Variants in DNAJC2 observed in about 807,000 individuals in gnomAD.
DNAJC2 encodes the protein DnaJ heat shock protein family (Hsp40) member C2.
A neutral mutation model predicts 94.0 loss-of-function variants in DNAJC2; 32 were observed. The ratio of observed to expected loss-of-function variants is 0.34; its 90% confidence interval spans 0.26 to 0.46. The LOEUF (loss-of-function observed/expected upper bound fraction) is 0.46. Among genes scored for constraint, DNAJC2 ranks in the 20% least tolerant of loss-of-function variants. DNAJC2 has a pLI of 1.00. For synonymous variants in DNAJC2, 210 were observed against 229.7 expected (o/e 0.91, Z 0.77); for missense variants, 550 against 719.5 (o/e 0.76, Z 2.69).
In DNAJC2 at chr7:103,319,758, T is replaced by C. The variant is rs1248867680; in HGVS notation, c.1170A>G (p.Ala390=). The C allele has an allele frequency of 6.2e-7, 1 of 1,614,214 alleles. No individual in the cohort carries two copies. Residue 390 remains alanine, a splice_region_variant and synonymous_variant, in exon 11 of 17, where the codon GCA becomes GCG. Transcript: ENST00000379263. ...CAATAGCAGTTCCATAGGTATACCT[T>C]GCCAGTTCAAGCCGATCACAAAGTT... ...VEKLCDRLEL[A]SLQCLNETLT...
At chr7:103,333,950 CATT>C (rs1819067747) in intron 3 of DNAJC2, among the ~76,000 whole-genome samples, 1 of 148,754 alleles carries the variant, frequency 6.7e-6, no homozygotes, top group Admixed American at 6.7e-5. Context: ...CTGTTGTGAA[CATT>C]TTTTTTTTTT....
intron 10 of DNAJC2, among the ~76,000 whole-genome samples, chr7:103,321,363 A>C (rs753256855): frequency 6.6e-6 from 1 of 151,182 alleles, no homozygotes; most frequent in Non-Finnish European, 1.5e-5. Context: ...CTAAAAATAC[A>C]AAAAATTAGC....
Position 103,341,835 on chromosome 7 carries a change from C to G in DNAJC2, c.184G>C (p.Glu62Gln). 6.2e-7 allele frequency: 1 copy of G among 1,612,010 alleles called. No homozygotes were observed. Among genetic ancestry groups the G allele is most frequent in the Non-Finnish European group, 8.5e-7 (1 of 1,179,434 alleles). ...AACTGCAATTCTTCATCTTCTGATTCCTCGGATAACTCTTTCTTATCCTCC... is the reference window on the plus strand; with the variant it reads ...AACTGCAATTCTTCATCTTCTGATTGCTCGGATAACTCTTTCTTATCCTCC... ...ELEDKKELSE[E>Q]SEDEELQLEE... Residue 62 changes from glutamate to glutamine, a missense_variant, in exon 2 of 17, where the codon GAA (glutamate) becomes CAA (glutamine). Physicochemically the swap from Glu to Gln is conservative, Grantham distance 29. Around this residue, in one of 2 missense-constraint regions of DNAJC2, gnomAD observed 279 missense variants for 416.9 expected, o/e 0.67. Coordinates refer to ENST00000379263, the MANE Select transcript of DNAJC2 (RefSeq NM_014377.3).
chr7:103,329,801 T>C (rs1818891556), intron 3 of DNAJC2, among the ~76,000 whole-genome samples: 1 of 152,218 alleles, frequency 6.6e-6, no homozygotes, highest in South Asian at 2.1e-4. Context: ...AACTGTGTAA[T>C]TTTTGCTTAT....
intron 2 of DNAJC2, 118 bp from the exon 3 acceptor site, chr7:103,337,929 A>G (rs185190229): frequency 5.6e-6 from 4 of 716,356 alleles, no homozygotes; most frequent in Admixed American, 4.8e-5. Flanking sequence ...GAGTCCAGTA[A>G]GAGGTTCTGT....
chr7:103,315,001 C>T (rs1249998142), intron 15 of DNAJC2, among the ~76,000 whole-genome samples: 2 of 152,124 alleles, frequency 1.3e-5, no homozygotes, highest in East Asian at 3.9e-4. Context: ...CAAAGACACA[C>T]GTGATCAAGA....
rs756024148 is a variant in DNAJC2 at position 103,341,959 on chromosome 7, G to T, written c.65-5C>A. 11 of 1,558,412 alleles carry T rather than the reference G, an allele frequency of 7.1e-6. No individual in the cohort carries two copies. The highest frequency in any genetic ancestry group is 9.5e-6 in the Non-Finnish European group (11 of 1,154,864). ...CAACTTGACAGAGTGTAGAGGCTGT[G>T]ATTGAAAGTGTTAAGAGAGGCTTCA... On this transcript the variant is annotated splice_polypyrimidine_tract_variant and splice_region_variant and intron_variant, in intron 1 of 16. Coordinates refer to ENST00000379263, the MANE Select transcript of DNAJC2 (RefSeq NM_014377.3).
intron 15 of DNAJC2, chr7:103,314,349 T>A (rs959770882): frequency 2.0e-6 from 2 of 985,288 alleles, no homozygotes; most frequent in African/African-American, 1.7e-5. Flanking sequence ...CAGCTTGCTG[T>A]TTAATGGTAC....
In DNAJC2 at chr7:103,312,336, A is replaced by AT; in HGVS notation, c.*232dup. 1 of 1,592,258 alleles carries AT rather than the reference A, an allele frequency of 6.3e-7. No individual in the cohort carries two copies. The highest frequency in any genetic ancestry group is 8.5e-7 in the Non-Finnish European group (1 of 1,175,412). On this transcript the variant is annotated 3_prime_UTR_variant, in exon 17 of 17. Coordinates refer to ENST00000379263, the MANE Select transcript of DNAJC2 (RefSeq NM_014377.3). ...AAAACAGAGCTAGAGAAAAATAAAA[A>AT]TGAACATGTATATACATTTGGAAAT...
At chr7:103,322,464 A>G (rs1313717981) in intron 9 of DNAJC2, 47 bp downstream of exon 9, 5 of 1,392,498 alleles carry the variant, frequency 3.6e-6, no homozygotes, top group Non-Finnish European at 4.9e-6. Context: ...TGAAGATTAA[A>G]GATTTCATAA....
chr7:103,312,889 T>C, intron 16 of DNAJC2, 58 bp downstream of exon 16: 1 of 1,568,118 alleles, frequency 6.4e-7, no homozygotes, highest in South Asian at 1.2e-5. Context: ...AAATATGAGC[T>C]ATATCACCCA....
At chr7:103,325,999 AT>A (rs984843048) in intron 5 of DNAJC2, among the ~76,000 whole-genome samples, 23 of 148,124 alleles carry the variant, frequency 1.6e-4, no homozygotes, top group Non-Finnish European at 2.3e-4. Context: ...TCAAAGCAAA[AT>A]TTTTTTTTTT....
intron 5 of DNAJC2, among the ~76,000 whole-genome samples, chr7:103,325,945 A>G (rs1275097924): frequency 1.3e-5 from 2 of 152,200 alleles, no homozygotes; most frequent in Non-Finnish European, 2.9e-5. Flanking sequence ...ACTGTCACCT[A>G]AGTGTAAGAA....
intron 1 of DNAJC2, 165 bp downstream of exon 1, chr7:103,344,394 A>C: frequency 1.5e-6 from 1 of 682,996 alleles, no homozygotes; most frequent in Non-Finnish European, 2.5e-6. Context: ...AATCTAGGGT[A>C]GGATTACTTT....
At chr7:103,339,042 A>G (rs776955635) in intron 2 of DNAJC2, among the ~76,000 whole-genome samples, 24 of 152,246 alleles carry the variant, frequency 1.6e-4, no homozygotes, top group Non-Finnish European at 3.1e-4. Context: ...TTAAAAAATA[A>G]ACAAACAGAA....
intron 16 of DNAJC2, 117 bp downstream of exon 16, chr7:103,312,830 C>G (rs1417833306): frequency 5.9e-6 from 9 of 1,522,848 alleles, no homozygotes; most frequent in African/African-American, 1.4e-5. Context: ...GACCCCATAA[C>G]TACTGGTTTT....
At chr7:103,329,071 T>A in intron 3 of DNAJC2, 1 of 1,042,416 alleles carries the variant, frequency 9.6e-7, no homozygotes, top group South Asian at 1.5e-5. Context: ...AATTTGTGAT[T>A]ATCGCTGGTG....
intron 12 of DNAJC2, among the ~76,000 whole-genome samples, chr7:103,318,017 A>AC (rs1818166552): frequency 6.6e-6 from 1 of 152,148 alleles, no homozygotes; most frequent in South Asian, 2.1e-4. Context: ...TTATCCACAA[A>AC]CGTCAGATTA....
Position 103,315,881 on chromosome 7 carries a change from G to A in DNAJC2, c.1529-10C>T. On this transcript the variant is annotated splice_polypyrimidine_tract_variant and intron_variant, in intron 14 of 16. Coordinates refer to ENST00000379263, the MANE Select transcript of DNAJC2 (RefSeq NM_014377.3). ...TCTTTTTGATGAGGGTCTGAGAAATGAAAAAAATTTAATACTTAACAGATC... is the reference window on the plus strand; with the variant it reads ...TCTTTTTGATGAGGGTCTGAGAAATAAAAAAAATTTAATACTTAACAGATC... 6.3e-7 allele frequency: 1 copy of A among 1,591,976 alleles called. No individual in the cohort carries two copies. Among genetic ancestry groups the A allele is most frequent in the African/African-American group, 1.4e-5 (1 of 74,052 alleles).
Sources: gnomAD v4.1 joint callset for allele counts (sites outside exome capture counted in the v4.1 genomes callset) on GRCh38, gnomAD v4.1.1 for gene constraint, gnomAD v4.1.1 regional missense constraint, MANE v1.5 for transcripts, NCBI Gene and HGNC (gene_info 2026-07-23, HGNC 2026-07-21) for gene names.